UNC80: variants seen among roughly 807,000 people sequenced by gnomAD.
UNC80 encodes protein unc-80 homolog.
In UNC80, 164 loss-of-function variants were observed where a neutral mutation model predicts 384.6. The observed-to-expected ratio is 0.43, with a 90% confidence interval of 0.38 to 0.49. UNC80 has a LOEUF of 0.49. Ranked by LOEUF, UNC80 falls within the 20% of genes least tolerant of loss-of-function variation. The pLI, the probability that UNC80 is intolerant of heterozygous loss-of-function variation, is 0.00. For synonymous variants in UNC80, 1,486 were observed against 1,527.8 expected (o/e 0.97, Z 0.64); for missense variants, 3,330 against 4,143.0 (o/e 0.80, Z 5.39).
chr2:209,853,069 A>G (rs896255809), intron 22 of UNC80, among the ~76,000 whole-genome samples: 4 of 152,106 alleles, frequency 2.6e-5, no homozygotes, highest in African/African-American at 9.7e-5. Context: ...ATAGATATAC[A>G]TATACACAGA....
At position 209,772,058 on chromosome 2, in the gene UNC80, C is replaced by T; in HGVS notation, c.-15C>T. The T allele has an allele frequency of 1.9e-6, 3 of 1,546,448 alleles. No individual in the cohort carries two copies. The highest frequency in any genetic ancestry group is 2.6e-6 in the Non-Finnish European group (3 of 1,143,798). On this transcript the variant is annotated 5_prime_UTR_variant, in exon 1 of 65. Transcript: ENST00000673920. ...AGAGCTGGGTCCTGCAGTAGGACTC[C>T]CGGGAGCCACCATTATGGTGAAGAG...
chr2:209,984,381 G>C (rs2093234276), intron 60 of UNC80, among the ~76,000 whole-genome samples: 3 of 152,196 alleles, frequency 2.0e-5, no homozygotes, highest in African/African-American at 7.2e-5. Context: ...CCAAGAGCTT[G>C]GTTGTGGCAG....
At chr2:209,932,660 A>G (rs968025916) in intron 38 of UNC80, among the ~76,000 whole-genome samples, 1 of 152,216 alleles carries the variant, frequency 6.6e-6, no homozygotes. Context: ...TCAACTTAAC[A>G]GATATGCACT....
intron 22 of UNC80, among the ~76,000 whole-genome samples, chr2:209,857,529 C>T (rs2083023229): frequency 6.6e-6 from 1 of 151,974 alleles, no homozygotes; most frequent in Non-Finnish European, 1.5e-5. Context: ...TTGTCTATTT[C>T]ATTTTTTTAA....
rs2092902485 is a variant in UNC80 at position 209,972,089 on chromosome 2, G to A, written c.8257-112G>A. 32 of 1,347,362 alleles carry A rather than the reference G, an allele frequency of 2.4e-5. No homozygotes were observed. The South Asian group carries it at 4.3e-4, about 18-fold the overall frequency. 83.5% of individuals were successfully genotyped at this position (1,347,362 alleles called of 1,614,324 possible). On this transcript the variant is annotated intron_variant, in intron 54 of 64. Transcript: ENST00000673920. ...TGTACAGACAACAATTGAACTCATA[G>A]TTTACAGGAGCAGCCAGCAGGGAGT...
At chr2:209,902,083 A>C (rs914822895) in intron 28 of UNC80, among the ~76,000 whole-genome samples, 1 of 152,202 alleles carries the variant, frequency 6.6e-6, no homozygotes, top group Non-Finnish European at 1.5e-5. Flanking sequence ...TCATAAGAGG[A>C]GATCAAATAT....
chr2:209,939,283 C>T (rs2091464627), intron 42 of UNC80, among the ~76,000 whole-genome samples, 189 bp from the exon 43 acceptor site: 1 of 152,146 alleles, frequency 6.6e-6, no homozygotes, highest in Non-Finnish European at 1.5e-5. Flanking sequence ...AAGTAAGAGG[C>T]AATTGAGAAT....
chr2:209,889,768 G>C (rs906034361), intron 26 of UNC80, among the ~76,000 whole-genome samples: 1 of 152,204 alleles, frequency 6.6e-6, no homozygotes, highest in Admixed American at 6.5e-5. Flanking sequence ...GTGTTAGTTT[G>C]CTGAGAATGA....
At chr2:209,941,526 A>G in intron 44 of UNC80, 37 bp downstream of exon 44, 1 of 1,505,766 alleles carries the variant, frequency 6.6e-7, no homozygotes, top group Non-Finnish European at 9.0e-7. Flanking sequence ...GAAAATTAAC[A>G]TGAGTACTGC....
intron 50 of UNC80, 131 bp downstream of exon 50, chr2:209,959,285 T>TG: frequency 8.1e-7 from 1 of 1,239,904 alleles, no homozygotes; most frequent in Non-Finnish European, 1.1e-6. Context: ...CCCCCAAAAG[T>TG]GGGTTTACTA....
intron 33 of UNC80, among the ~76,000 whole-genome samples, chr2:209,921,239 A>G (rs1320747107): frequency 2.0e-5 from 3 of 152,242 alleles, no homozygotes; most frequent in Non-Finnish European, 4.4e-5. Flanking sequence ...TATCCCTGCA[A>G]ATCCTGAGAT....
At chr2:209,782,835 C>T (rs11900602) in intron 4 of UNC80, among the ~76,000 whole-genome samples, 22,293 of 151,370 alleles carry the variant, frequency 0.15, 2,463 homozygotes, top group African/African-American at 0.3. Flanking sequence ...TGAAAAATGA[C>T]GAATATTTGT....
In UNC80 at chr2:209,933,866, G is replaced by A; in HGVS notation, c.6039G>A (p.Gly2013=). Residue 2013 remains glycine (G), a synonymous_variant, in exon 39 of 65, where the codon GGG becomes GGA. Transcript: ENST00000673920. ...MYFVRTPCEW[G]MDAISATLTF... ...TTGTGCGGACCCCCTGCGAGTGGGG[G>A]ATGGATGCCATTTCAGCCACCCTGA... 1 of 1,551,374 alleles carries A rather than the reference G, an allele frequency of 6.4e-7. No individual in the cohort carries two copies. The highest frequency in any genetic ancestry group is 8.7e-7 in the Non-Finnish European group (1 of 1,146,824).
intron 7 of UNC80, among the ~76,000 whole-genome samples, chr2:209,798,936 G>C (rs1471505597): frequency 6.7e-6 from 1 of 148,376 alleles, no homozygotes; most frequent in Non-Finnish European, 1.5e-5. Flanking sequence ...CGCCCACCTC[G>C]GCCTCCCAAA....
intron 12 of UNC80, 106 bp from the exon 13 acceptor site, chr2:209,820,205 T>G (rs757528462): frequency 2.2e-6 from 3 of 1,380,738 alleles, no homozygotes; most frequent in Non-Finnish European, 2.8e-6. Context: ...TCTACCCAAT[T>G]TCATAGACTA....
chr2:209,885,325 T>C (rs1381436926), intron 25 of UNC80, among the ~76,000 whole-genome samples: 2 of 152,150 alleles, frequency 1.3e-5, no homozygotes, highest in Non-Finnish European at 2.9e-5. Context: ...CCTGAGAAAG[T>C]AGCAGAGAGC....
At position 209,840,626 on chromosome 2, in the gene UNC80, C is replaced by A; in HGVS notation, c.3335C>A (p.Ser1112Tyr). Reference sequence around the variant, plus strand: ...GACATTAGCTCTGTGGACCGACTCTCTTTCATCAGGCAAAGCTCCAAGGTA... The same window carrying A: ...GACATTAGCTCTGTGGACCGACTCTATTTCATCAGGCAAAGCTCCAAGGTA... ...LLDISSVDRL[S>Y]FIRQSSKVKF... The change falls in exon 20 of 65, where the codon TCT (serine) becomes TAT (tyrosine). Residue 1112 changes from serine to tyrosine, a missense_variant. Transcript: ENST00000673920. 1 of 1,552,064 alleles carries A rather than the reference C, an allele frequency of 6.4e-7. No individual in the cohort carries two copies. Among genetic ancestry groups the A allele is most frequent in the Non-Finnish European group, 8.7e-7 (1 of 1,147,000 alleles).
intron 2 of UNC80, 44 bp downstream of exon 2, chr2:209,773,186 T>C (rs1181523216): frequency 6.4e-7 from 1 of 1,553,318 alleles, no homozygotes; most frequent in Non-Finnish European, 8.9e-7. Context: ...CTATTCTGTG[T>C]GGTGGTTTGA....
chr2:209,933,505 T>C (rs943270715), intron 38 of UNC80, among the ~76,000 whole-genome samples: 12 of 134,608 alleles, frequency 8.9e-5, no homozygotes, highest in African/African-American at 2.6e-4. Context: ...ACAAACTTCT[T>C]ATACAGATGA....
Sources: gnomAD v4.1 joint callset for allele counts (sites outside exome capture counted in the v4.1 genomes callset) on GRCh38, gnomAD v4.1.1 for gene constraint, MANE v1.5 for transcripts, NCBI Gene and HGNC (gene_info 2026-07-23, HGNC 2026-07-21) for gene names.